NAV2: variants seen among roughly 807,000 people sequenced by gnomAD.
The protein encoded by NAV2 is helicase, APC down-regulated 1.
NAV2 carries 54 observed loss-of-function variants against 223.2 expected under a neutral mutation model. The observed-to-expected ratio is 0.24, with a 90% CI of 0.19 to 0.30. The LOEUF is 0.30. Ranked by LOEUF, NAV2 falls within the 10% of genes least tolerant of loss-of-function variation. The pLI, the probability that NAV2 is intolerant of heterozygous loss-of-function variation, is 1.00. For missense variants in NAV2, 2,806 were observed against 3,147.5 expected (o/e 0.89, Z 2.60); for synonymous variants, 1,279 against 1,239.3 (o/e 1.03, Z -0.67).
At chr11:20,101,769 C>T (rs1221681430) in intron 32 of NAV2, among the ~76,000 whole-genome samples, 8 of 152,182 alleles carry the variant, frequency 5.3e-5, no homozygotes, top group Admixed American at 5.2e-4. Context: ...TCCTGCTTCA[C>T]GGTGAGCAAC....
intron 6 of NAV2, among the ~76,000 whole-genome samples, chr11:19,900,765 T>C (rs2153187494): frequency 6.6e-6 from 1 of 152,326 alleles, no homozygotes; most frequent in East Asian, 1.9e-4. Flanking sequence ...AGATGTGTCA[T>C]TTTTACCATA....
At position 20,100,546 on chromosome 11, in the gene NAV2, GGTGTGTGTGTGTGT is replaced by G. The variant is rs59857072; in HGVS notation, c.6182-358_6182-345del. Among the ~76,000 whole-genome samples, 889 of 141,798 alleles carry G rather than the reference GGTGTGTGTGTGTGT, an allele frequency of 6.3e-3. 7 individuals are homozygous for G. The highest frequency in any genetic ancestry group is 0.018 in the African/African-American group (692 of 37,534). The allele number at this position is 141,798 out of a possible 152,430, so 93.0% of individuals were successfully genotyped here. ...TGCCATAGGTATAGTATACTAGAGG[GGTGTGTGTGTGTGT>G]GTGTGTGTGTGTGTGTGTGTGTGTG... On this transcript the variant is annotated intron_variant, in intron 31 of 37. Coordinates refer to ENST00000349880, the MANE Select transcript of NAV2 (RefSeq NM_145117.5).
intron 11 of NAV2, among the ~76,000 whole-genome samples, chr11:20,003,683 T>A (rs2052775821): frequency 6.6e-6 from 1 of 152,072 alleles, no homozygotes; most frequent in Non-Finnish European, 1.5e-5. Flanking sequence ...ACCCTATTGG[T>A]GGGAAAGGTG....
chr11:19,400,479 A>T (rs1004021975), intron 1 of NAV2, among the ~76,000 whole-genome samples: 8 of 152,096 alleles, frequency 5.3e-5, no homozygotes, highest in African/African-American at 1.9e-4. Flanking sequence ...TGTCCACCAT[A>T]GTGCTAGGAA....
intron 32 of NAV2, among the ~76,000 whole-genome samples, chr11:20,102,050 A>G (rs1401953576): frequency 6.6e-6 from 1 of 152,112 alleles, no homozygotes; most frequent in Admixed American, 6.6e-5. Flanking sequence ...CACCATCTAC[A>G]AGTTCCCCAA....
In NAV2 at chr11:19,795,187, C is replaced by A. The variant is rs530781432; in HGVS notation, c.268-37297C>A. 2.5e-3 allele frequency among the ~76,000 whole-genome samples: 376 copies of A among 152,270 alleles called. 4 individuals carry two copies. The highest frequency in any genetic ancestry group is 1.2e-3 in the Non-Finnish European group (82 of 68,018). On this transcript the variant is annotated intron_variant, in intron 1 of 37. Coordinates refer to ENST00000349880, the MANE Select transcript of NAV2 (RefSeq NM_145117.5). The stretch of plus-strand genomic sequence containing the variant: ...CAAGGGCCTGAGAAGAGAAATGGGA[C>A]AGAAGTTATTTAAAATGAGTTGTGA...
chr11:20,081,135 A>C (rs1245792540), intron 25 of NAV2, among the ~76,000 whole-genome samples: 1 of 152,218 alleles, frequency 6.6e-6, no homozygotes, highest in Non-Finnish European at 1.5e-5. Flanking sequence ...AGTGATACAG[A>C]CATCAGGGGT....
Position 20,055,851 on chromosome 11 carries a change from G to A in NAV2, c.4725G>A (p.Gln1575=), listed in dbSNP as rs1564946261. ...RTHSLSNADG[Q]YDPYTDSRFR... ...ACAGCCTCTCCAATGCTGATGGGCAGTATGATCCATACACTGACAGCCGCT... is the reference window on the plus strand; with the variant it reads ...ACAGCCTCTCCAATGCTGATGGGCAATATGATCCATACACTGACAGCCGCT... The change falls in exon 19 of 38, where the codon CAG becomes CAA. Residue 1575 remains glutamine, a synonymous_variant. Coordinates refer to ENST00000349880, the MANE Select transcript of NAV2 (RefSeq NM_145117.5). 6 of 1,614,192 alleles carry A rather than the reference G, an allele frequency of 3.7e-6. No individual in the cohort carries two copies. Among genetic ancestry groups the A allele is most frequent in the Non-Finnish European group, 4.2e-6 (5 of 1,180,024 alleles).
rs111482456 is a variant in NAV2 at position 20,075,349 on chromosome 11, G to A, written c.4984-2203G>A. On this transcript the variant is annotated intron_variant, in intron 22 of 37. Coordinates refer to ENST00000349880, the MANE Select transcript of NAV2 (RefSeq NM_145117.5). ...CGCCATTCTCCTGCCTCAGCCTCCCGAGTAGCTGGGACTACAGGTGCCCAC... is the reference window on the plus strand; with the variant it reads ...CGCCATTCTCCTGCCTCAGCCTCCCAAGTAGCTGGGACTACAGGTGCCCAC... Among the ~76,000 whole-genome samples the A allele has an allele frequency of 5.9e-3, 899 of 151,948 alleles. 7 individuals carry two copies. The highest frequency in any genetic ancestry group is 0.021 in the African/African-American group (851 of 41,450).
In NAV2 at chr11:19,986,072, A is replaced by G. The variant is rs993371354; in HGVS notation, c.2768+1825A>G. 2.6e-5 allele frequency among the ~76,000 whole-genome samples: 4 copies of G among 152,222 alleles called. No homozygotes were observed. The East Asian group carries it at 7.7e-4, about 29-fold the overall frequency. Reference sequence around the variant, plus strand: ...CCACATAAAATACAGTCCTTACAAGATACAGTTTTCCTTGTAGCAGAAGAA... The same window carrying G: ...CCACATAAAATACAGTCCTTACAAGGTACAGTTTTCCTTGTAGCAGAAGAA... On this transcript the variant is annotated intron_variant, in intron 11 of 37. Transcript: ENST00000349880.
intron 22 of NAV2, among the ~76,000 whole-genome samples, chr11:20,077,069 G>A (rs2059802605): frequency 6.6e-6 from 1 of 152,128 alleles, no homozygotes; most frequent in Non-Finnish European, 1.5e-5. Flanking sequence ...TCTATTGTGA[G>A]CTTAGCACTT....
At chr11:19,680,262 G>T (rs1362215738) in intron 1 of NAV2, among the ~76,000 whole-genome samples, 1 of 152,044 alleles carries the variant, frequency 6.6e-6, no homozygotes, top group Non-Finnish European at 1.5e-5. Flanking sequence ...TTTTGGCACC[G>T]AATGCAGTGC....
intron 1 of NAV2, among the ~76,000 whole-genome samples, chr11:19,377,343 T>C (rs1848673836): frequency 1.3e-5 from 2 of 152,220 alleles, no homozygotes; most frequent in South Asian, 4.1e-4. Context: ...TAGCTCTTTC[T>C]TCTGCCTGGA....
intron 1 of NAV2, among the ~76,000 whole-genome samples, chr11:19,670,719 G>A (rs1182908819): frequency 2.0e-5 from 3 of 152,224 alleles, no homozygotes; most frequent in Non-Finnish European, 4.4e-5. Context: ...CGGCAGCTGG[G>A]TCACATAGAA....
At chr11:20,077,877 A>G in intron 23 of NAV2, 116 bp from the exon 24 acceptor site, 1 of 819,560 alleles carries the variant, frequency 1.2e-6, no homozygotes, top group Non-Finnish European at 2.0e-6. Context: ...ATCCATCTGA[A>G]AGGTTTTGTT....
chr11:19,522,361 G>A (rs1222967630), intron 1 of NAV2, among the ~76,000 whole-genome samples: 1 of 152,214 alleles, frequency 6.6e-6, no homozygotes, highest in African/African-American at 2.4e-5. Flanking sequence ...GGTCCAGGGA[G>A]CATCTGCTTC....
At chr11:19,996,062 G>T (rs1469627144) in intron 11 of NAV2, among the ~76,000 whole-genome samples, 1 of 152,150 alleles carries the variant, frequency 6.6e-6, no homozygotes, top group African/African-American at 2.4e-5. Flanking sequence ...GGAATGAGTT[G>T]TAAGTTACAC....
intron 1 of NAV2, among the ~76,000 whole-genome samples, chr11:19,460,789 A>T (rs556124197): frequency 6.6e-6 from 1 of 152,126 alleles, no homozygotes; most frequent in African/African-American, 2.4e-5. Flanking sequence ...AAGTATAATA[A>T]AAAAAAATTC....
At position 19,892,502 on chromosome 11, in the gene NAV2, C is replaced by T; in HGVS notation, c.839C>T (p.Thr280Ile). Residue 280 changes from threonine (T) to isoleucine (I), a missense_variant, in exon 6 of 38, where the codon ACT becomes ATT. By Grantham distance (89) the Thr-to-Ile change is moderately conservative. Transcript: ENST00000349880. Reference protein sequence around the residue: ...SEAKTRGGSTTANNRRSQSFN... With the variant: ...SEAKTRGGSTIANNRRSQSFN... ...GCCAAAACACGCGGAGGGTCAACTACTGCTAACAACCGACGCAGCCAGAGC... is the reference window on the plus strand; with the variant it reads ...GCCAAAACACGCGGAGGGTCAACTATTGCTAACAACCGACGCAGCCAGAGC... 1 of 1,614,232 alleles carries T rather than the reference C, an allele frequency of 6.2e-7. No homozygotes were observed. Among genetic ancestry groups the T allele is most frequent in the South Asian group, 1.1e-5 (1 of 91,086 alleles).
Sources: allele counts gnomAD v4.1 joint callset (sites outside exome capture counted in the v4.1 genomes callset), GRCh38; gene constraint gnomAD v4.1.1; transcripts MANE v1.5; gene names NCBI Gene and HGNC (gene_info 2026-07-23, HGNC 2026-07-21).